The following ZNF99 variants were observed in gnomAD, a reference collection of about 807,000 sequenced individuals.
ZNF99 encodes the protein zinc finger protein ENSP00000375192.
A neutral mutation model predicts 12.8 loss-of-function variants in ZNF99; 8 were observed. The ratio of observed to expected loss-of-function variants is 0.62; its 90% CI spans 0.37 to 1.13. The LOEUF is 1.13. Ranked by LOEUF, ZNF99 falls within the 50% of genes most tolerant of loss-of-function variation. The probability of loss-of-function intolerance (pLI) is 0.02; values close to 1 mark genes in which losing one functional copy is unlikely to be tolerated. For missense variants in ZNF99, 1,007 were observed against 1,006.2 expected (o/e 1.00, Z -0.01); for synonymous variants, 318 against 319.0 (o/e 1.00, Z 0.03).
In ZNF99 at chr19:22,759,421, T is replaced by A. The variant is rs768318707; in HGVS notation, c.488A>T (p.Tyr163Phe). The change falls in exon 4 of 4, where the codon TAT (tyrosine) becomes TTT (phenylalanine). Residue 163 changes from tyrosine to phenylalanine, a missense_variant. Physicochemically the swap from Tyr to Phe is conservative, Grantham distance 22. Transcript: ENST00000596209. ...TTTCTTTTTAGTGTGTCTAATCTTA[T>A]ATCTATTTGAATTTGAATATTTATG... is the stretch of plus-strand genomic sequence containing the variant. ...VFHKYSNSNRYKIRHTKKKTF... is the reference protein window; with the variant it reads ...VFHKYSNSNRFKIRHTKKKTF... The A allele has an allele frequency of 6.3e-7, 1 of 1,582,290 alleles. No individual in the cohort carries two copies. Among genetic ancestry groups the A allele is most frequent in the African/African-American group, 1.4e-5 (1 of 74,044 alleles).
At chr19:22,769,928 C>T in intron 1 of ZNF99, 1 of 1,360,286 alleles carries the variant, frequency 7.4e-7, no homozygotes, top group Non-Finnish European at 9.8e-7. Context: ...TTTTTGAGTG[C>T]TATTTTTAAA....
chr19:22,783,668 T>C (rs1973415205), intron 1 of ZNF99, among the ~76,000 whole-genome samples: 1 of 152,180 alleles, frequency 6.6e-6, no homozygotes, highest in Non-Finnish European at 1.5e-5. Flanking sequence ...ACCAAAGCTC[T>C]TCCCATTCAT....
intron 1 of ZNF99, among the ~76,000 whole-genome samples, chr19:22,776,408 G>GATATAT (rs55638958): frequency 1.4e-5 from 1 of 69,636 alleles, no homozygotes; most frequent in Non-Finnish European, 2.8e-5. Flanking sequence ...TCCAAAATAA[G>GATATAT]ATATATATAT....
chr19:22,778,335 T>C (rs1177856354), intron 1 of ZNF99, among the ~76,000 whole-genome samples: 1 of 152,020 alleles, frequency 6.6e-6, no homozygotes, highest in Non-Finnish European at 1.5e-5. Context: ...CAGGCCTCTG[T>C]GATATCTCTC....
At chr19:22,767,278 C>A (rs1000728636) in intron 3 of ZNF99, among the ~76,000 whole-genome samples, 2 of 152,004 alleles carry the variant, frequency 1.3e-5, no homozygotes, top group African/African-American at 4.8e-5. Context: ...CGAAGTGAGA[C>A]CCTATTTCAT....
intron 3 of ZNF99, among the ~76,000 whole-genome samples, chr19:22,765,552 A>G (rs1457945424): frequency 1.3e-5 from 2 of 152,048 alleles, no homozygotes; most frequent in African/African-American, 2.4e-5. Context: ...AGAGCTTTCC[A>G]AATTTTGATG....
chr19:22,774,565 T>C (rs186154989), intron 1 of ZNF99: 1 of 152,312 alleles, frequency 6.6e-6, no homozygotes, highest in East Asian at 1.9e-4. Flanking sequence ...TCCGATTTAG[T>C]GAAATGAAAG....
intron 3 of ZNF99, among the ~76,000 whole-genome samples, chr19:22,760,480 C>G (rs1973138062): frequency 6.6e-6 from 1 of 152,106 alleles, no homozygotes; most frequent in Admixed American, 6.5e-5. Context: ...CACGGTGGCT[C>G]AGGCCTGTAA....
intron 3 of ZNF99, among the ~76,000 whole-genome samples, chr19:22,767,183 T>C (rs1328474302): frequency 1.3e-5 from 2 of 151,176 alleles, no homozygotes; most frequent in Non-Finnish European, 2.9e-5. Context: ...ACTTAAGAGG[T>C]TGAAACTAGA....
rs965211065 is a variant in ZNF99 at position 22,763,904 on chromosome 19, C to CTTT, written c.227-4225_227-4223dup. On this transcript the variant is annotated intron_variant, in intron 3 of 3. Coordinates refer to ENST00000596209, the MANE Select transcript of ZNF99 (RefSeq NM_001080409.3). The stretch of plus-strand genomic sequence containing the variant: ...AAGGATACTCTTTTTTTTTTCTTTC[C>CTTT]TTTTTTTTTTTTTTTTTTTTTTGAG... Among the ~76,000 whole-genome samples the CTTT allele has an allele frequency of 3.5e-3, 354 of 101,656 alleles. 10 individuals are homozygous for CTTT. The highest frequency in any genetic ancestry group is 0.014 in the African/African-American group (290 of 21,394). 66.7% of individuals were successfully genotyped at this position (101,656 alleles called of 152,430 possible).
chr19:22,757,921 T>G lies in ZNF99; in HGVS notation c.1988A>C (p.His663Pro). The change falls in exon 4 of 4, where the codon CAC (histidine) becomes CCC (proline). Residue 663 changes from histidine to proline, a missense_variant. Physicochemically the swap from His to Pro is moderately conservative, Grantham distance 77 (BLOSUM62 -2). Transcript: ENST00000596209. Reference protein sequence around the residue: ...ECGKAFKWSSHLTRHKVIHTE... With the variant: ...ECGKAFKWSSPLTRHKVIHTE... ...ATGAATTACTTTATGTCTAGTAAGGTGTGAGGACCACTTAAAAGCTTTACC... is the reference window on the plus strand; with the variant it reads ...ATGAATTACTTTATGTCTAGTAAGGGGTGAGGACCACTTAAAAGCTTTACC... 6.2e-7 allele frequency: 1 copy of G among 1,612,094 alleles called. No homozygotes were observed. Among genetic ancestry groups the G allele is most frequent in the Non-Finnish European group, 8.5e-7 (1 of 1,178,964 alleles).
chr19:22,754,929 C>A lies in ZNF99; in HGVS notation c.*2385G>T, dbSNP rs193057000. ...TACTAAAAATACAAAATTAGGTGGG[C>A]GTGGTGGCACATGCCTATAGTCCCT... On this transcript the variant is annotated 3_prime_UTR_variant, in exon 4 of 4. Transcript: ENST00000596209. 6.4e-4 allele frequency: 111 copies of A among 172,740 alleles called. No homozygotes were observed. The highest frequency in any genetic ancestry group is 9.9e-4 in the Admixed American group (17 of 17,100). 10.7% of individuals were successfully genotyped at this position (172,740 alleles called of 1,614,324 possible).
At position 22,756,779 on chromosome 19, in the gene ZNF99, CT is replaced by C; in HGVS notation, c.*534del. ...GAATTGTTAAAAGCTTTGCCACATTCTTCACATTTGTAGGGTTTCTTTCCAG... is the reference window on the plus strand; with the variant it reads ...GAATTGTTAAAAGCTTTGCCACATTCTCACATTTGTAGGGTTTCTTTCCAG... On this transcript the variant is annotated 3_prime_UTR_variant, in exon 4 of 4. Transcript: ENST00000596209. 1 of 1,611,118 alleles carries C rather than the reference CT, an allele frequency of 6.2e-7. No homozygotes were observed.
intron 3 of ZNF99, among the ~76,000 whole-genome samples, chr19:22,766,486 G>A (rs780496431): frequency 2.0e-5 from 3 of 151,252 alleles, no homozygotes; most frequent in South Asian, 2.1e-4. Context: ...CTACAGGCAC[G>A]TGCCACCATG....
intron 3 of ZNF99, among the ~76,000 whole-genome samples, chr19:22,760,967 C>T (rs890077411): frequency 6.0e-5 from 9 of 149,054 alleles, no homozygotes; most frequent in African/African-American, 2.2e-4. Flanking sequence ...CTAGCCAAGA[C>T]AATTGGTTTC....
chr19:22,782,972 A>C (rs1371444019), intron 1 of ZNF99, among the ~76,000 whole-genome samples: 1 of 151,966 alleles, frequency 6.6e-6, no homozygotes, highest in Non-Finnish European at 1.5e-5. Flanking sequence ...CAGGCCTGAT[A>C]ATCTACTTTT....
At chr19:22,763,904 C>CTTTTTTTTTTTTTTTTT (rs965211065) in intron 3 of ZNF99, among the ~76,000 whole-genome samples, 1 of 101,686 alleles carries the variant, frequency 9.8e-6, no homozygotes, top group African/African-American at 4.7e-5. Context: ...TTTTTCTTTC[C>CTTTTTTTTTTTTTTTTT]TTTTTTTTTT....
intron 1 of ZNF99, 72 bp downstream of exon 1, chr19:22,783,942 C>G (rs71357953): frequency 0.041 from 66,334 of 1,602,866 alleles, 4,050 homozygotes; most frequent in African/African-American, 0.29. Flanking sequence ...GCCTGAGTCC[C>G]GCCACAGCCA....
At chr19:22,779,431 G>C (rs1168069451) in intron 1 of ZNF99, among the ~76,000 whole-genome samples, 2 of 152,120 alleles carry the variant, frequency 1.3e-5, no homozygotes, top group African/African-American at 4.8e-5. Flanking sequence ...GGCTAAGGCA[G>C]GAGAATAGCT....
Sources: allele counts gnomAD v4.1 joint callset (sites outside exome capture counted in the v4.1 genomes callset), GRCh38; gene constraint gnomAD v4.1.1; transcripts MANE v1.5; gene names NCBI Gene and HGNC (gene_info 2026-07-23, HGNC 2026-07-21).